KCNH8: variants seen among roughly 807,000 people sequenced by gnomAD.
KCNH8 encodes voltage-gated delayed rectifier potassium channel KCNH8.
A neutral mutation model predicts 103.6 loss-of-function variants in KCNH8; 70 were observed. That is an observed-to-expected ratio of 0.68 (90% CI 0.56 to 0.82). KCNH8 has a LOEUF of 0.82. Among genes scored for constraint, KCNH8 ranks in the 40% least tolerant of loss-of-function variants. The pLI is 0.00. For missense variants in KCNH8, 1,217 were observed against 1,329.9 expected (o/e 0.92, Z 1.32); for synonymous variants, 498 against 489.4 (o/e 1.02, Z -0.23).
intron 3 of KCNH8, among the ~76,000 whole-genome samples, chr3:19,297,269 A>T (rs557164588): frequency 6.6e-6 from 1 of 152,230 alleles, no homozygotes; most frequent in Non-Finnish European, 1.5e-5. Context: ...TTTTAAGTAC[A>T]TGTTCCCTCT....
intron 3 of KCNH8, among the ~76,000 whole-genome samples, chr3:19,316,415 A>G (rs2065275227): frequency 6.6e-6 from 1 of 151,988 alleles, no homozygotes; most frequent in Non-Finnish European, 1.5e-5. Flanking sequence ...TAACTCTATA[A>G]CATACAAGAT....
At chr3:19,301,585 C>T (rs1055101256) in intron 3 of KCNH8, among the ~76,000 whole-genome samples, 4 of 151,946 alleles carry the variant, frequency 2.6e-5, no homozygotes, top group African/African-American at 4.8e-5. Context: ...TGTGTTTTTT[C>T]GACATCAAGC....
In KCNH8 at chr3:19,369,085, A is replaced by G. The variant is rs2066051669; in HGVS notation, c.811+21120A>G. ...AGAAACTAAAGCTCAAAGAGTTTAA[A>G]TCACTTTGTTTTTTAAAGGAAATAT... is the stretch of plus-strand genomic sequence containing the variant. On this transcript the variant is annotated intron_variant, in intron 5 of 15. Transcript: ENST00000328405. 3.9e-5 allele frequency among the ~76,000 whole-genome samples: 6 copies of G among 152,122 alleles called. 1 individual carries two copies. In the South Asian group the frequency reaches 1.2e-3, roughly 32 times the overall value.
At chr3:19,463,772 C>T (rs1476336372) in intron 11 of KCNH8, among the ~76,000 whole-genome samples, 1 of 151,878 alleles carries the variant, frequency 6.6e-6, no homozygotes, top group Admixed American at 6.6e-5. Context: ...AGGTCTATAA[C>T]GGGGATTGTA....
chr3:19,372,822 G>C (rs2066122448), intron 5 of KCNH8, among the ~76,000 whole-genome samples: 1 of 152,074 alleles, frequency 6.6e-6, no homozygotes, highest in African/African-American at 2.4e-5. Context: ...TTAGCATGAA[G>C]GGTTGTTGAA....
chr3:19,435,085 T>C (rs1022512840), intron 7 of KCNH8, among the ~76,000 whole-genome samples: 3 of 152,136 alleles, frequency 2.0e-5, no homozygotes, highest in Non-Finnish European at 4.4e-5. Flanking sequence ...CATGGATATG[T>C]TACTGGGCTT....
intron 3 of KCNH8, among the ~76,000 whole-genome samples, chr3:19,296,229 T>C (rs2064995526): frequency 6.6e-6 from 1 of 152,224 alleles, no homozygotes; most frequent in Non-Finnish European, 1.5e-5. Context: ...TTTGATCTAC[T>C]TCAAAAATAC....
intron 1 of KCNH8, among the ~76,000 whole-genome samples, chr3:19,154,090 G>A (rs2063157447): frequency 6.6e-6 from 1 of 152,154 alleles, no homozygotes; most frequent in Non-Finnish European, 1.5e-5. Flanking sequence ...GTGTAATTCA[G>A]AAGGTGCAGA....
At chr3:19,226,039 AT>A (rs2063927221) in intron 1 of KCNH8, among the ~76,000 whole-genome samples, 1 of 152,252 alleles carries the variant, frequency 6.6e-6, no homozygotes, top group South Asian at 2.1e-4. Flanking sequence ...TTCTTTTGAT[AT>A]GAAATTCTTC....
At chr3:19,376,464 C>T (rs571710657) in intron 5 of KCNH8, among the ~76,000 whole-genome samples, 13 of 152,242 alleles carry the variant, frequency 8.5e-5, no homozygotes, top group African/African-American at 1.4e-4. Flanking sequence ...GGCTCATGCA[C>T]GGTGCGCGCA....
intron 2 of KCNH8, among the ~76,000 whole-genome samples, chr3:19,275,798 G>C (rs2064661668): frequency 6.6e-6 from 1 of 151,762 alleles, no homozygotes; most frequent in South Asian, 2.1e-4. Context: ...GTATTTTCTA[G>C]TCCCTTGAAA....
At chr3:19,242,905 A>C (rs556273616) in intron 1 of KCNH8, among the ~76,000 whole-genome samples, 2 of 152,300 alleles carry the variant, frequency 1.3e-5, no homozygotes, top group South Asian at 4.1e-4. Context: ...AAAACAAAAC[A>C]AAACCCATTT....
chr3:19,254,219 A>G (rs563039551), intron 2 of KCNH8, among the ~76,000 whole-genome samples: 3 of 152,164 alleles, frequency 2.0e-5, no homozygotes, highest in South Asian at 2.1e-4. Context: ...TTATTTGTAT[A>G]TTAATAACTT....
chr3:19,346,865 G>A (rs2065736580), intron 4 of KCNH8: 8 of 338,804 alleles, frequency 2.4e-5, no homozygotes, highest in South Asian at 1.9e-4. Context: ...CTGGTCACAG[G>A]CTTGTCAAAT....
At chr3:19,179,267 A>G (rs1451062691) in intron 1 of KCNH8, among the ~76,000 whole-genome samples, 2 of 152,126 alleles carry the variant, frequency 1.3e-5, no homozygotes, top group Non-Finnish European at 2.9e-5. Context: ...CCATATATGA[A>G]TTATCCATTT....
intron 11 of KCNH8, among the ~76,000 whole-genome samples, chr3:19,464,578 A>C (rs1254920328): frequency 6.6e-6 from 1 of 152,180 alleles, no homozygotes; most frequent in Non-Finnish European, 1.5e-5. Flanking sequence ...GCAGTAACAG[A>C]ATAAAAAGGG....
intron 11 of KCNH8, among the ~76,000 whole-genome samples, chr3:19,474,290 G>C (rs1028974650): frequency 2.0e-5 from 3 of 152,158 alleles, no homozygotes; most frequent in Non-Finnish European, 2.9e-5. Flanking sequence ...CAGCAGAGAG[G>C]ATGACATATG....
intron 3 of KCNH8, among the ~76,000 whole-genome samples, chr3:19,318,365 A>T (rs746722804): frequency 7.3e-5 from 11 of 151,518 alleles, no homozygotes; most frequent in Non-Finnish European, 1.0e-4. Context: ...TGAGATTTTG[A>T]TGCACCTGTC....
intron 5 of KCNH8, among the ~76,000 whole-genome samples, chr3:19,374,067 C>CA (rs2066150381): frequency 6.6e-6 from 1 of 151,634 alleles, no homozygotes; most frequent in Non-Finnish European, 1.5e-5. Flanking sequence ...GTGTGGTGCT[C>CA]AAAAAAATGT....
Sources: allele counts gnomAD v4.1 joint callset (sites outside exome capture counted in the v4.1 genomes callset), GRCh38; gene constraint gnomAD v4.1.1; transcripts MANE v1.5; gene names NCBI Gene and HGNC (gene_info 2026-07-23, HGNC 2026-07-21).